The following BRWD1 variants were observed in gnomAD, a reference collection of about 807,000 sequenced individuals.
The protein encoded by BRWD1 is bromodomain and WD repeat-containing protein 1.
Under a neutral mutation model 251.2 loss-of-function variants are expected in BRWD1, and 82 were observed. That is an observed-to-expected ratio of 0.33 (90% CI 0.27 to 0.39). BRWD1 has a LOEUF of 0.39. BRWD1 is among the 10% of genes least tolerant of loss of function. BRWD1 has a pLI of 1.00. For synonymous variants in BRWD1, 918 were observed against 902.8 expected (o/e 1.02, Z -0.30); for missense variants, 2,233 against 2,711.6 (o/e 0.82, Z 3.92).
chr21:39,202,532 T>G lies in BRWD1; in HGVS notation c.4378A>C (p.Lys1460Gln). ...ATTTTTGTCTGAGATTTTAACCTCT[T>G]CGGCTTGAGGTTTCTGGCCAAACAT... ...PNKSIRNLKP[K>Q]RLKSQTKIIP... The change falls in exon 38 of 41, where the codon AAG becomes CAG. Residue 1460 changes from lysine to glutamine, a missense_variant. By Grantham distance (53) the Lys-to-Gln change is moderately conservative. Transcript: ENST00000342449. 1 of 1,609,516 alleles carries G rather than the reference T, an allele frequency of 6.2e-7. No homozygotes were observed. Among genetic ancestry groups the G allele is most frequent in the South Asian group, 1.1e-5 (1 of 90,946 alleles).
chr21:39,315,602 C>G (rs1301908939), upstream of BRWD1: 1 of 151,930 alleles, frequency 6.6e-6, no homozygotes, highest in Non-Finnish European at 1.5e-5. Context: ...CCACTGCACT[C>G]CAGCCTGGGC....
At position 39,199,133 on chromosome 21, in the gene BRWD1, TTTAGAGTCTTCCTCAGAA is replaced by T. The variant is rs1568856343; in HGVS notation, c.5265_5282del (p.Glu1757_Ser1762del). On this transcript the variant is annotated inframe_deletion, in exon 40 of 41. Coordinates refer to ENST00000342449, the MANE Select transcript of BRWD1 (RefSeq NM_033656.4). ...TACATGCATGATCTGAATCATGACT[TTTAGAGTCTTCCTCAGAA>T]GACTCTATTTTAAGAAATTTTGTCT... 5 of 1,614,046 alleles carry T rather than the reference TTTAGAGTCTTCCTCAGAA, an allele frequency of 3.1e-6. No individual in the cohort carries two copies. The Admixed American group carries it at 8.3e-5, about 27-fold the overall frequency.
intron 21 of BRWD1, among the ~76,000 whole-genome samples, chr21:39,241,152 A>C (rs901420168): frequency 2.0e-5 from 3 of 151,956 alleles, no homozygotes; most frequent in Non-Finnish European, 4.4e-5. Flanking sequence ...GTGTATGTAG[A>C]ATTAAACAAA....
At chr21:39,232,766 G>A (rs2033666800) in intron 23 of BRWD1, among the ~76,000 whole-genome samples, 1 of 151,876 alleles carries the variant, frequency 6.6e-6, no homozygotes, top group African/African-American at 2.4e-5. Flanking sequence ...CCCATTTTAG[G>A]GGGCTAATAC....
At chr21:39,269,585 T>C (rs1031835141) in intron 15 of BRWD1, among the ~76,000 whole-genome samples, 6 of 152,230 alleles carry the variant, frequency 3.9e-5, no homozygotes, top group Non-Finnish European at 7.3e-5. Flanking sequence ...CAATTTGTTA[T>C]AGAATATTTC....
chr21:39,241,473 T>TAAAAAAAAAAAAAAA (rs61488970), intron 21 of BRWD1, among the ~76,000 whole-genome samples: 1 of 44,900 alleles, frequency 2.2e-5, no homozygotes, highest in Non-Finnish European at 4.0e-5. Flanking sequence ...ATCTCCAAAG[T>TAAAAAAAAAAAAAAA]AAAAAAAAAA....
intron 36 of BRWD1, among the ~76,000 whole-genome samples, chr21:39,207,943 A>T (rs8129355): frequency 5.3e-5 from 8 of 152,052 alleles, no homozygotes; most frequent in African/African-American, 1.9e-4. Context: ...ATATGAAATT[A>T]TCTAGGACAG....
At chr21:39,209,645 T>C (rs548106958) in intron 36 of BRWD1, 2 of 160,420 alleles carry the variant, frequency 1.2e-5, no homozygotes, top group South Asian at 4.0e-4. Context: ...ACAGTCTCGA[T>C]CTATGTTTCC....
At position 39,195,692 on chromosome 21, in the gene BRWD1, G is replaced by C; in HGVS notation, c.*567C>G. 2.0e-6 allele frequency: 2 copies of C among 985,140 alleles called. No homozygotes were observed. The highest frequency in any genetic ancestry group is 2.4e-6 in the Non-Finnish European group (2 of 829,676). 61.0% of individuals were successfully genotyped at this position (985,140 alleles called of 1,614,324 possible). A position where few individuals can be genotyped will look rare whatever the true frequency, so the allele number is the denominator to read the frequency against. On this transcript the variant is annotated 3_prime_UTR_variant, in exon 41 of 41. Coordinates refer to ENST00000342449, the MANE Select transcript of BRWD1 (RefSeq NM_033656.4). Reference sequence around the variant, plus strand: ...GAAGAAAATTAGAAACCATTTCAATGAAAGTGACCAGATCTGGTATAATGC... The same window carrying C: ...GAAGAAAATTAGAAACCATTTCAATCAAAGTGACCAGATCTGGTATAATGC...
At chr21:39,218,336 A>G (rs2033038510) in intron 30 of BRWD1, 64 bp from the exon 31 acceptor site, 1 of 1,531,208 alleles carries the variant, frequency 6.5e-7, no homozygotes, top group African/African-American at 1.4e-5. Flanking sequence ...GTACTTCTCT[A>G]GAAATCATTC....
chr21:39,248,302 G>A (rs2034267459), intron 20 of BRWD1, among the ~76,000 whole-genome samples: 1 of 151,890 alleles, frequency 6.6e-6, no homozygotes, highest in South Asian at 2.1e-4. Context: ...TCTCACACTA[G>A]TCAGAATGGC....
intron 13 of BRWD1, 100 bp downstream of exon 13, chr21:39,274,274 A>G: frequency 1.0e-6 from 1 of 956,460 alleles, no homozygotes; most frequent in Non-Finnish European, 1.6e-6. Flanking sequence ...TAATCCCCTC[A>G]ACAAAATAAC....
intron 38 of BRWD1, 150 bp from the exon 39 acceptor site, chr21:39,200,536 C>A: frequency 3.2e-6 from 2 of 621,848 alleles, no homozygotes; most frequent in Admixed American, 3.9e-5. Context: ...AAAAACCATT[C>A]CCAAAAAAAG....
At chr21:39,297,927 C>T (rs749164882) in intron 5 of BRWD1, 4 of 985,110 alleles carry the variant, frequency 4.1e-6, no homozygotes, top group Non-Finnish European at 4.8e-6. Context: ...TTTGCTAGCA[C>T]ATAACTTGGC....
chr21:39,298,298 A>G, intron 5 of BRWD1, 134 bp downstream of exon 5: 20 of 1,340,712 alleles, frequency 1.5e-5, no homozygotes, highest in Non-Finnish European at 1.9e-5. Flanking sequence ...TGCTAAATGC[A>G]GAGAATTTTA....
intron 7 of BRWD1, 26 bp from the exon 8 acceptor site, chr21:39,294,058 AAT>A (rs1212329042): frequency 6.3e-7 from 1 of 1,578,216 alleles, no homozygotes; most frequent in Non-Finnish European, 8.7e-7. Flanking sequence ...TCCAAAAATT[AAT>A]GTTAGTACAG....
intron 23 of BRWD1, chr21:39,235,824 G>T: frequency 1.2e-5 from 2 of 170,814 alleles, no homozygotes; most frequent in East Asian, 1.7e-4. Flanking sequence ...TTTCACTGCG[G>T]GGCAGCCCAA....
intron 8 of BRWD1, among the ~76,000 whole-genome samples, chr21:39,291,749 CAT>C (rs758316461): frequency 6.6e-6 from 1 of 151,954 alleles, no homozygotes; most frequent in South Asian, 2.1e-4. Context: ...CATCACGTGA[CAT>C]ATGTGTCAGC....
intron 21 of BRWD1, among the ~76,000 whole-genome samples, chr21:39,246,002 TAAAC>T (rs2034176540): frequency 1.3e-5 from 2 of 152,118 alleles, no homozygotes; most frequent in South Asian, 4.1e-4. Flanking sequence ...TCAAAGATAT[TAAAC>T]AAAGACTTAG....
Sources: allele counts gnomAD v4.1 joint callset (sites outside exome capture counted in the v4.1 genomes callset), GRCh38; gene constraint gnomAD v4.1.1; transcripts MANE v1.5; gene names NCBI Gene and HGNC (gene_info 2026-07-23, HGNC 2026-07-21).